The following TMEM74 variants were observed in gnomAD, a reference collection of about 807,000 sequenced individuals.
TMEM74 encodes the protein transmembrane protein 74.
In TMEM74, 13 loss-of-function variants were observed where a neutral mutation model predicts 18.1. The observed-to-expected ratio is 0.72, with a 90% CI of 0.47 to 1.14. The LOEUF (loss-of-function observed/expected upper bound fraction) is 1.14, where lower values mean the gene tolerates loss of function less well. Among genes scored for constraint, TMEM74 ranks in the 50% most tolerant of loss-of-function variants. TMEM74 has a pLI of 0.00. For synonymous variants in TMEM74, 159 were observed against 146.6 expected (o/e 1.08, Z -0.61); for missense variants, 372 against 375.9 (o/e 0.99, Z 0.09).
At position 108,654,724 on chromosome 8, in the gene TMEM74, CA is replaced by C. The variant is rs1463255957; in HGVS notation, n.264+568del. ...AATCAATACCTTTATTCCTTCTTGC[CA>C]TCCTGAAAAATCTTTGTCCTTTTTA... On this transcript the variant is annotated intron_variant and non_coding_transcript_variant, in intron 2 of 3. Transcript: ENST00000518838. Among the ~76,000 whole-genome samples, 7 of 151,514 alleles carry C rather than the reference CA, an allele frequency of 4.6e-5. No individual in the cohort carries two copies. In the East Asian group the frequency reaches 1.4e-3, roughly 30 times the overall value.
chr8:108,727,708 A>C (rs1291879404), intron 1 of TMEM74, among the ~76,000 whole-genome samples: 1 of 152,174 alleles, frequency 6.6e-6, no homozygotes, highest in Non-Finnish European at 1.5e-5. Flanking sequence ...TCAACATATC[A>C]ATTATATTGA....
chr8:108,680,036 G>A (rs561919664), intron 1 of TMEM74, among the ~76,000 whole-genome samples: 1 of 152,252 alleles, frequency 6.6e-6, no homozygotes, highest in East Asian at 1.9e-4. Flanking sequence ...TGAAATTGTG[G>A]CAATAATCAA....
At chr8:108,655,559 C>CA (rs1233638411) in intron 1 of TMEM74, 5 of 152,010 alleles carry the variant, frequency 3.3e-5, no homozygotes, top group African/African-American at 1.2e-4. Context: ...TCATTGATGG[C>CA]AAAAAATTTT....
rs138820996 is a variant in TMEM74 at position 108,784,322 on chromosome 8, G to A, written c.777C>T (p.Leu259=). 333 of 1,614,094 alleles carry A rather than the reference G, an allele frequency of 2.1e-4. 1 individual carries two copies. In the African/African-American group the frequency reaches 3.7e-3, roughly 18 times the overall value. ...LLMMSMWKGE[L]YRRNRFASSK... is the part of the protein sequence containing the mutation. ...AAGAGGCAAATCTGTTTCGACGATA[G>A]AGCTCCCCCTTCCACATGGACATCA... Residue 259 remains leucine, a synonymous_variant, in exon 2 of 2, where the codon CTC becomes CTT. Coordinates refer to ENST00000297459, the MANE Select transcript of TMEM74 (RefSeq NM_153015.3).
chr8:108,642,079 G>A (rs988169905), intron 2 of TMEM74, among the ~76,000 whole-genome samples: 2 of 151,014 alleles, frequency 1.3e-5, no homozygotes, highest in Non-Finnish European at 3.0e-5. Context: ...TAAATAGTTA[G>A]AAATACAAAA....
At chr8:108,706,213 T>TA (rs1402476314) in intron 1 of TMEM74, among the ~76,000 whole-genome samples, 1 of 152,252 alleles carries the variant, frequency 6.6e-6, no homozygotes, top group African/African-American at 2.4e-5. Context: ...GTATCTGTTT[T>TA]AAAAATATTT....
At chr8:108,615,597 G>A (rs1285671850) in intron 2 of TMEM74, among the ~76,000 whole-genome samples, 2 of 152,044 alleles carry the variant, frequency 1.3e-5, no homozygotes, top group East Asian at 3.9e-4. Flanking sequence ...ACATTTATTA[G>A]GAAGCATCCT....
At chr8:108,745,187 TC>T (rs1813837421) in intron 1 of TMEM74, among the ~76,000 whole-genome samples, 1 of 152,064 alleles carries the variant, frequency 6.6e-6, no homozygotes, top group South Asian at 2.1e-4. Flanking sequence ...TCTCCTAATT[TC>T]CCCATAGGTT....
intron 1 of TMEM74, among the ~76,000 whole-genome samples, chr8:108,700,164 T>TGTGTGG (rs1813321698): frequency 1.3e-5 from 2 of 151,736 alleles, no homozygotes; most frequent in Admixed American, 1.3e-4. Context: ...TGTGTGTGTG[T>TGTGTGG]GTGTTCATTG....
chr8:108,699,853 A>C (rs138410534), intron 1 of TMEM74, among the ~76,000 whole-genome samples: 2 of 152,320 alleles, frequency 1.3e-5, no homozygotes, highest in African/African-American at 4.8e-5. Context: ...ATAGCTTATT[A>C]ATTGAGCTGT....
At chr8:108,609,948 G>A (rs1202009344) in intron 2 of TMEM74, among the ~76,000 whole-genome samples, 1 of 152,188 alleles carries the variant, frequency 6.6e-6, no homozygotes, top group Non-Finnish European at 1.5e-5. Flanking sequence ...CCCTAACACA[G>A]AGCTCAGAAC....
intron 1 of TMEM74, among the ~76,000 whole-genome samples, chr8:108,690,186 C>T (rs1813211247): frequency 1.3e-5 from 2 of 152,076 alleles, no homozygotes; most frequent in South Asian, 4.2e-4. Flanking sequence ...TTGTAACAGG[C>T]TTAATTGAAA....
At chr8:108,621,042 A>G (rs185643110) in intron 2 of TMEM74, among the ~76,000 whole-genome samples, 51 of 152,224 alleles carry the variant, frequency 3.4e-4, no homozygotes, top group African/African-American at 1.1e-3. Context: ...GGAAACTATG[A>G]GATTTGAGAT....
chr8:108,707,595 G>C (rs1348829183), intron 1 of TMEM74, among the ~76,000 whole-genome samples: 5 of 152,144 alleles, frequency 3.3e-5, no homozygotes, highest in African/African-American at 1.2e-4. Context: ...GATGGAAAAA[G>C]GATAGTTTCT....
intron 2 of TMEM74, among the ~76,000 whole-genome samples, chr8:108,618,076 A>G (rs536079993): frequency 2.6e-5 from 4 of 152,184 alleles, no homozygotes; most frequent in Non-Finnish European, 4.4e-5. Context: ...TAAAATTGAC[A>G]GAAGTAGCTG....
intron 1 of TMEM74, among the ~76,000 whole-genome samples, chr8:108,743,516 T>G (rs1272457105): frequency 6.6e-6 from 1 of 152,152 alleles, no homozygotes; most frequent in East Asian, 1.9e-4. Context: ...GTTCTAGAAC[T>G]AAAAATCTTT....
intron 1 of TMEM74, among the ~76,000 whole-genome samples, chr8:108,727,848 C>T (rs1218436598): frequency 2.0e-5 from 3 of 152,064 alleles, no homozygotes; most frequent in Admixed American, 1.3e-4. Context: ...GCAAAGGAGA[C>T]TGGGAAGTAT....
At chr8:108,718,970 G>GTA (rs3049753) in intron 1 of TMEM74, among the ~76,000 whole-genome samples, 189 of 148,610 alleles carry the variant, frequency 1.3e-3, no homozygotes, top group African/African-American at 4.1e-3. Context: ...TTTTGTGTGT[G>GTA]TATATATATA....
At chr8:108,759,140 A>G (rs972745271) in intron 1 of TMEM74, among the ~76,000 whole-genome samples, 8 of 152,102 alleles carry the variant, frequency 5.3e-5, no homozygotes, top group Non-Finnish European at 1.5e-5. Context: ...TATAATCTCA[A>G]TGGAAGTAAA....
Sources: allele counts gnomAD v4.1 joint callset (sites outside exome capture counted in the v4.1 genomes callset), GRCh38; gene constraint gnomAD v4.1.1; transcripts MANE v1.5; gene names NCBI Gene and HGNC (gene_info 2026-07-23, HGNC 2026-07-21).